Variants in STX6 observed in about 807,000 individuals in gnomAD.
STX6 encodes syntaxin-6.
Under a neutral mutation model 38.0 loss-of-function variants are expected in STX6, and 23 were observed. The ratio of observed to expected loss-of-function variants is 0.60; its 90% confidence interval spans 0.43 to 0.86. The LOEUF (loss-of-function observed/expected upper bound fraction) is 0.86. Among genes scored for constraint, STX6 ranks in the 40% least tolerant of loss-of-function variants. The pLI, the probability that STX6 is intolerant of heterozygous loss-of-function variation, is 0.00. For missense variants in STX6, 274 were observed against 312.9 expected, an observed-to-expected ratio of 0.88 and a Z score of 0.94; for synonymous variants, 123 against 107.5, an observed-to-expected ratio of 1.14 and a Z score of -0.89.
intron 7 of STX6, among the ~76,000 whole-genome samples, chr1:180,983,618 T>G (rs563951898): frequency 6.6e-6 from 1 of 152,328 alleles, no homozygotes; most frequent in Non-Finnish European, 1.5e-5. Context: ...CATGCCATCT[T>G]ATTCTGAAGT....
chr1:181,018,257 T>C (rs191868316), intron 1 of STX6, among the ~76,000 whole-genome samples: 3 of 151,184 alleles, frequency 2.0e-5, no homozygotes, highest in African/African-American at 7.3e-5. Flanking sequence ...GTGGCGCACA[T>C]TGGTAGTCCC....
Position 180,993,258 on chromosome 1 carries a change from T to G in STX6, c.363+105A>C, listed in dbSNP as rs540411704. On this transcript the variant is annotated intron_variant, in intron 4 of 7. Transcript: ENST00000258301. Reference sequence around the variant, plus strand: ...TCACACCAGGGCCTGCAAGCAGAAGTCTTCCTCTTGATTACATGATCCATG... The same window carrying G: ...TCACACCAGGGCCTGCAAGCAGAAGGCTTCCTCTTGATTACATGATCCATG... The G allele has an allele frequency of 1.3e-3, 917 of 717,846 alleles. 11 individuals carry two copies. Among genetic ancestry groups the G allele is most frequent in the South Asian group, 8.2e-3 (500 of 61,004 alleles). 44.5% of individuals were successfully genotyped at this position (717,846 alleles called of 1,614,324 possible). A position where few individuals can be genotyped will look rare whatever the true frequency, so the allele number is the denominator to read the frequency against.
At chr1:180,977,774 C>G (rs531099847) in intron 7 of STX6, among the ~76,000 whole-genome samples, 1 of 152,290 alleles carries the variant, frequency 6.6e-6, no homozygotes, top group East Asian at 1.9e-4. Flanking sequence ...AAAAAGATCT[C>G]AATCTATGAA....
chr1:181,017,818 G>A (rs1233778492), intron 1 of STX6, among the ~76,000 whole-genome samples: 1 of 152,102 alleles, frequency 6.6e-6, no homozygotes, highest in Non-Finnish European at 1.5e-5. Flanking sequence ...GAGGGGCAAG[G>A]GGGAATATTC....
Position 181,004,564 on chromosome 1 carries a change from A to G in STX6, c.205+730T>C, listed in dbSNP as rs560099757. ...AGCTTCCAGATAGGTGAACATGTGG[A>G]GGTTCCTGGAGGCACCTGAAGAGGG... On this transcript the variant is annotated intron_variant, in intron 2 of 7. Coordinates refer to ENST00000258301, the MANE Select transcript of STX6 (RefSeq NM_005819.6). Among the ~76,000 whole-genome samples, 8 of 152,350 alleles carry G rather than the reference A, an allele frequency of 5.3e-5. No individual in the cohort carries two copies. The East Asian group carries it at 1.5e-3, about 29-fold the overall frequency.
At chr1:180,982,757 T>C (rs543832691) in intron 7 of STX6, among the ~76,000 whole-genome samples, 15 of 152,340 alleles carry the variant, frequency 9.8e-5, no homozygotes, top group African/African-American at 3.4e-4. Flanking sequence ...TTTTTGTTTA[T>C]TGTTTTGTTT....
chr1:180,976,618 G>T lies in STX6; in HGVS notation c.720C>A (p.Ile240=). ...GCACAACCAACAGGACTGCAAAGAG[G>T]ATGGCTATGGCACACCATTGGCGCC... ...SDRRQWCAIA[I]LFAVLLVVLI... Residue 240 remains isoleucine, a synonymous_variant, in exon 8 of 8, where the codon ATC becomes ATA. Coordinates refer to ENST00000258301, the MANE Select transcript of STX6 (RefSeq NM_005819.6). 1 of 1,613,678 alleles carries T rather than the reference G, an allele frequency of 6.2e-7. No homozygotes were observed. The highest frequency in any genetic ancestry group is 8.5e-7 in the Non-Finnish European group (1 of 1,180,016).
At chr1:180,985,566 G>A (rs745538592) in intron 6 of STX6, among the ~76,000 whole-genome samples, 3 of 152,196 alleles carry the variant, frequency 2.0e-5, no homozygotes, top group Non-Finnish European at 4.4e-5. Flanking sequence ...GCATGCACAC[G>A]CGCATTTCCC....
intron 3 of STX6, among the ~76,000 whole-genome samples, chr1:180,994,414 T>C (rs1655841841): frequency 6.6e-6 from 1 of 152,242 alleles, no homozygotes. Flanking sequence ...TGATGTCTAC[T>C]ATGTGGCCAG....
chr1:180,982,247 G>A (rs1655437448), intron 7 of STX6, among the ~76,000 whole-genome samples: 1 of 152,112 alleles, frequency 6.6e-6, no homozygotes, highest in Non-Finnish European at 1.5e-5. Flanking sequence ...GTGAACTTCT[G>A]CAAAAATTAT....
intron 4 of STX6, among the ~76,000 whole-genome samples, chr1:180,990,829 A>T (rs1388331737): frequency 6.6e-6 from 1 of 152,168 alleles, no homozygotes; most frequent in Non-Finnish European, 1.5e-5. Context: ...GTATGAATTC[A>T]AGGAAGTTTG....
At chr1:180,997,570 C>A (rs1655948938) in intron 3 of STX6, among the ~76,000 whole-genome samples, 2 of 152,080 alleles carry the variant, frequency 1.3e-5, no homozygotes, top group Admixed American at 1.3e-4. Flanking sequence ...AAATTTAAAT[C>A]TCTCATTAAT....
At chr1:181,013,485 A>AT (rs1022299673) in intron 1 of STX6, among the ~76,000 whole-genome samples, 4 of 151,932 alleles carry the variant, frequency 2.6e-5, no homozygotes, top group African/African-American at 9.7e-5. Flanking sequence ...CGCCAAGCTA[A>AT]TTTTTTTTAT....
intron 6 of STX6, among the ~76,000 whole-genome samples, chr1:180,985,224 C>T (rs1433842316): frequency 6.6e-6 from 1 of 152,152 alleles, no homozygotes; most frequent in Non-Finnish European, 1.5e-5. Flanking sequence ...TACAATAACA[C>T]AAACTCAGTG....
At chr1:180,985,593 G>A (rs868565298) in intron 6 of STX6, among the ~76,000 whole-genome samples, 1 of 152,218 alleles carries the variant, frequency 6.6e-6, no homozygotes, top group African/African-American at 2.4e-5. Context: ...TCCTCACAGA[G>A]AAACCAGTAT....
Position 180,973,474 on chromosome 1 carries a change from T to C in STX6, c.*3096A>G, listed in dbSNP as rs1015565279. The C allele has an allele frequency of 1.1e-4, 17 of 152,658 alleles. No homozygotes were observed. Among genetic ancestry groups the C allele is most frequent in the African/African-American group, 4.1e-4 (17 of 41,462 alleles). 9.5% of individuals were successfully genotyped at this position (152,658 alleles called of 1,614,324 possible). ...GATTTCTGTTGGAGTTAGACTAGATTTCTTTTCACAGCCCTTAATCTCACG... is the reference window on the plus strand; with the variant it reads ...GATTTCTGTTGGAGTTAGACTAGATCTCTTTTCACAGCCCTTAATCTCACG... On this transcript the variant is annotated 3_prime_UTR_variant, in exon 8 of 8. Coordinates refer to ENST00000258301, the MANE Select transcript of STX6 (RefSeq NM_005819.6).
chr1:180,993,513 TTTA>T, intron 3 of STX6, 88 bp from the exon 4 acceptor site: 1 of 666,386 alleles, frequency 1.5e-6, no homozygotes, highest in South Asian at 2.0e-5. Flanking sequence ...AAACACACAA[TTTA>T]TTATTACTTT....
At chr1:180,984,074 A>AAC (rs1553263793) in intron 7 of STX6, among the ~76,000 whole-genome samples, 5 of 147,504 alleles carry the variant, frequency 3.4e-5, no homozygotes, top group African/African-American at 1.2e-4. Context: ...AAAAAAAAAA[A>AAC]AAAAAAAAAA....
chr1:180,995,899 C>G (rs769610202), intron 3 of STX6, among the ~76,000 whole-genome samples: 3 of 150,942 alleles, frequency 2.0e-5, no homozygotes, highest in Non-Finnish European at 4.4e-5. Context: ...GCACAGGCAC[C>G]TTCTGGGGGT....
Sources: gnomAD v4.1 joint callset for allele counts (sites outside exome capture counted in the v4.1 genomes callset) on GRCh38, gnomAD v4.1.1 for gene constraint, MANE v1.5 for transcripts, NCBI Gene and HGNC (gene_info 2026-07-23, HGNC 2026-07-21) for gene names.